Variants in BCKDHA observed in about 807,000 individuals in gnomAD.
BCKDHA encodes branched chain keto acid dehydrogenase E1 subunit alpha, also known as 2-oxoisovalerate dehydrogenase subunit alpha, mitochondrial.
A neutral mutation model predicts 52.2 loss-of-function variants in BCKDHA; 43 were observed. That is an observed-to-expected ratio of 0.82 (90% CI 0.64 to 1.06). BCKDHA has a LOEUF of 1.06. Ranked by LOEUF, BCKDHA falls within the 50% of genes least tolerant of loss-of-function variation. The pLI is 0.00. For missense variants in BCKDHA, 527 were observed against 621.3 expected, an observed-to-expected ratio of 0.85 and a Z score of 1.61; for synonymous variants, 234 against 247.9, an observed-to-expected ratio of 0.94 and a Z score of 0.53.
At position 41,422,324 on chromosome 19, in the gene BCKDHA, C is replaced by T. The variant is rs775754845; in HGVS notation, c.807C>T (p.Tyr269=). 74 of 1,614,046 alleles carry T rather than the reference C, an allele frequency of 4.6e-5. No homozygotes were observed. Among genetic ancestry groups the T allele is most frequent in the East Asian group, 1.6e-4 (7 of 44,888 alleles). Residue 269 remains tyrosine (Y), a synonymous_variant, in exon 6 of 9, where the codon TAC becomes TAT. Transcript: ENST00000269980. ...TCTTCTTCTGCCGGAACAATGGCTA[C>T]GCCATCTCCACGCCCACCTCTGAGC... is the stretch of plus-strand genomic sequence containing the variant. ...PIIFFCRNNG[Y]AISTPTSEQY...
At position 41,409,583 on chromosome 19, in the gene BCKDHA, CCTT is replaced by C. The variant is rs200208074; in HGVS notation, c.109-1050_109-1048del. On this transcript the variant is annotated intron_variant, in intron 1 of 8. Transcript: ENST00000269980. ...GTTTGCCAGGCGATAGGGAAAGAGA[CCTT>C]CTTGTAAAGCAAGCAGAGATGAGAG... is the stretch of plus-strand genomic sequence containing the variant. Among the ~76,000 whole-genome samples the C allele has an allele frequency of 4.5e-3, 688 of 151,976 alleles. 7 individuals are homozygous for C. Among genetic ancestry groups the C allele is most frequent in the African/African-American group, 0.015 (628 of 41,438 alleles).
intron 1 of BCKDHA, among the ~76,000 whole-genome samples, chr19:41,406,323 C>T (rs918428125): frequency 3.3e-5 from 5 of 152,292 alleles, no homozygotes; most frequent in South Asian, 4.1e-4. Flanking sequence ...CTTCAGCCTT[C>T]GGTCCTCTTC....
chr19:41,399,670 TCTC>T (rs1020935975), intron 1 of BCKDHA: 2 of 151,690 alleles, frequency 1.3e-5, no homozygotes, highest in Admixed American at 6.6e-5. Context: ...TTCCTCTCCT[TCTC>T]CTCTCCTCTC....
chr19:41,409,754 C>T (rs1290335418), intron 1 of BCKDHA, among the ~76,000 whole-genome samples: 3 of 150,222 alleles, frequency 2.0e-5, no homozygotes, highest in East Asian at 3.9e-4. Flanking sequence ...AGGAAGGGGA[C>T]ACGTGGAGAG....
chr19:41,406,546 T>A (rs1202845174), intron 1 of BCKDHA, among the ~76,000 whole-genome samples: 3 of 151,598 alleles, frequency 2.0e-5, no homozygotes, highest in Non-Finnish European at 1.5e-5. Context: ...CTGGACTACA[T>A]GTAAATGCCA....
chr19:41,399,233 C>T (rs1415672553), intron 1 of BCKDHA: 1 of 151,988 alleles, frequency 6.6e-6, no homozygotes, highest in Non-Finnish European at 1.5e-5. Flanking sequence ...TAGTAGGTAT[C>T]TAGGAACGGA....
At chr19:41,417,499 A>G (rs1051372675) in intron 4 of BCKDHA, among the ~76,000 whole-genome samples, 5 of 152,178 alleles carry the variant, frequency 3.3e-5, no homozygotes, top group East Asian at 1.9e-4. Flanking sequence ...TATCTGTTAC[A>G]TATGCAGCAC....
chr19:41,402,888 A>G (rs2039152832), intron 1 of BCKDHA, among the ~76,000 whole-genome samples: 1 of 151,888 alleles, frequency 6.6e-6, no homozygotes, highest in Non-Finnish European at 1.5e-5. Flanking sequence ...TGATCCACCC[A>G]CCTCAGCCTC....
chr19:41,402,761 C>G (rs138678914), intron 1 of BCKDHA, among the ~76,000 whole-genome samples: 1 of 152,200 alleles, frequency 6.6e-6, no homozygotes, highest in Non-Finnish European at 1.5e-5. Context: ...CTGCCTCCCC[C>G]TCTCGAGTAG....
In BCKDHA at chr19:41,422,778, C is replaced by T. The variant is rs886054462; in HGVS notation, c.995+8C>T. The T allele has an allele frequency of 8.7e-6, 14 of 1,612,780 alleles. No individual in the cohort carries two copies. Among genetic ancestry groups the T allele is most frequent in the Admixed American group, 1.7e-5 (1 of 60,014 alleles). ...CGAGGCCATGACCTACAGGTGCCTG[C>T]CGCTCCCCCCGTCAGCACCCCCACA... On this transcript the variant is annotated splice_region_variant and intron_variant, in intron 7 of 8. Coordinates refer to ENST00000269980, the MANE Select transcript of BCKDHA (RefSeq NM_000709.4).
At position 41,410,911 on chromosome 19, in the gene BCKDHA, C is replaced by T. The variant is rs1003232442; in HGVS notation, c.289-12C>T. ...CCAACTGCCCCACGTCTATCTGTGC[C>T]TCCACCCGCAGCTGCCGAAGGAGAA... is the stretch of plus-strand genomic sequence containing the variant. On this transcript the variant is annotated splice_polypyrimidine_tract_variant and intron_variant, in intron 2 of 8. Coordinates refer to ENST00000269980, the MANE Select transcript of BCKDHA (RefSeq NM_000709.4). 1.2e-6 allele frequency: 2 copies of T among 1,614,050 alleles called. No individual in the cohort carries two copies. The highest frequency in any genetic ancestry group is 3.3e-5 in the Admixed American group (2 of 60,008).
Position 41,398,068 on chromosome 19 carries a change from G to A in BCKDHA, c.108+133G>A, listed in dbSNP as rs1482770980. The A allele has an allele frequency of 9.8e-6, 7 of 712,356 alleles. No homozygotes were observed. The Admixed American group carries it at 2.0e-4, about 20-fold the overall frequency. 44.1% of individuals were successfully genotyped at this position (712,356 alleles called of 1,614,324 possible). On this transcript the variant is annotated intron_variant, in intron 1 of 8. Transcript: ENST00000269980. ...GGGAAAAAGAGTGGGAGACTCCTTG[G>A]AGAAGACACCGAAGGGAAGATCTGC...
chr19:41,411,143 C>T, intron 3 of BCKDHA, 134 bp downstream of exon 3: 1 of 978,990 alleles, frequency 1.0e-6, no homozygotes, highest in East Asian at 2.6e-5. Context: ...TGAGGGTTCT[C>T]TTGGGACTCT....
chr19:41,406,346 G>A (rs909040284), intron 1 of BCKDHA, among the ~76,000 whole-genome samples: 2 of 152,100 alleles, frequency 1.3e-5, no homozygotes, highest in African/African-American at 4.8e-5. Flanking sequence ...TCAGCATGCC[G>A]TCTCCCCTGT....
intron 1 of BCKDHA, among the ~76,000 whole-genome samples, chr19:41,406,915 G>A (rs112907023): frequency 0.028 from 4,333 of 152,048 alleles, 202 homozygotes; most frequent in African/African-American, 0.099. Context: ...GTTTTGCCTA[G>A]GCTGGACTCA....
At chr19:41,414,454 AG>A (rs1173540971) in intron 4 of BCKDHA, among the ~76,000 whole-genome samples, 3 of 152,166 alleles carry the variant, frequency 2.0e-5, no homozygotes, top group African/African-American at 7.2e-5. Context: ...TCTCCAGAAG[AG>A]GGATTATGAC....
Position 41,414,169 on chromosome 19 carries a change from C to A in BCKDHA, c.484+12C>A. 3 of 1,611,760 alleles carry A rather than the reference C, an allele frequency of 1.9e-6. No individual in the cohort carries two copies. In the African/African-American group the frequency reaches 4.0e-5, roughly 21 times the overall value. On this transcript the variant is annotated intron_variant, in intron 4 of 8. Coordinates refer to ENST00000269980, the MANE Select transcript of BCKDHA (RefSeq NM_000709.4). ...GTACCGGGAGGCAGGTACGTCTGTC[C>A]GTGGTTTGGCCCTGTGGTCCCCATT...
intron 4 of BCKDHA, among the ~76,000 whole-genome samples, chr19:41,417,035 G>A (rs1458916622): frequency 6.6e-6 from 1 of 152,028 alleles, no homozygotes; most frequent in African/African-American, 2.4e-5. Context: ...TCTTCAAGAC[G>A]GGGTCTTACT....
intron 1 of BCKDHA, among the ~76,000 whole-genome samples, chr19:41,409,327 C>T (rs973958737): frequency 2.6e-5 from 4 of 152,154 alleles, no homozygotes; most frequent in African/African-American, 9.7e-5. Flanking sequence ...GGAAGCCTTA[C>T]CCTCGCTTTC....
Sources: allele counts gnomAD v4.1 joint callset (sites outside exome capture counted in the v4.1 genomes callset), GRCh38; gene constraint gnomAD v4.1.1; transcripts MANE v1.5; gene names NCBI Gene and HGNC (gene_info 2026-07-23, HGNC 2026-07-21).